CSMD1: variants seen among roughly 807,000 people sequenced by gnomAD.
The protein encoded by CSMD1 is CUB and Sushi multiple domains 1.
Under a neutral mutation model 417.5 loss-of-function variants are expected in CSMD1, and 213 were observed. The observed-to-expected ratio is 0.51, with a 90% CI of 0.46 to 0.57. The LOEUF is 0.57. Among genes scored for constraint, CSMD1 ranks in the 20% least tolerant of loss-of-function variants. The pLI, the probability that CSMD1 is intolerant of heterozygous loss-of-function variation, is 0.00. For missense variants in CSMD1, 6,923 were observed against 4,529.7 expected (o/e 1.53, Z -15.17); for synonymous variants, 2,862 against 1,736.8 (o/e 1.65, Z -16.11).
At position 4,505,178 on chromosome 8, in the gene CSMD1, C is replaced by T. The variant is rs183585988; in HGVS notation, c.303-85113G>A. Among the ~76,000 whole-genome samples, 364 of 152,298 alleles carry T rather than the reference C, an allele frequency of 2.4e-3. 1 individual carries two copies. Among genetic ancestry groups the T allele is most frequent in the Admixed American group, 6.9e-3 (105 of 15,298 alleles). ...ATAAAAACCTGGTGGCTTTAGCTTG[C>T]ATTGTTTCCTCTAGATTTAAATAAT... On this transcript the variant is annotated intron_variant, in intron 2 of 69. Transcript: ENST00000635120.
intron 1 of CSMD1, among the ~76,000 whole-genome samples, chr8:4,930,496 G>A (rs997596803): frequency 6.6e-6 from 1 of 152,082 alleles, no homozygotes; most frequent in African/African-American, 2.4e-5. Context: ...GCTGAAAATT[G>A]TTCAAAACTA....
chr8:4,473,446 A>G (rs1168722764), intron 2 of CSMD1, among the ~76,000 whole-genome samples: 1 of 152,214 alleles, frequency 6.6e-6, no homozygotes, highest in Non-Finnish European at 1.5e-5. Flanking sequence ...ATTTTGTTTC[A>G]TAAGCAAGGA....
At chr8:3,916,056 T>G (rs1043471313) in intron 5 of CSMD1, among the ~76,000 whole-genome samples, 2 of 151,738 alleles carry the variant, frequency 1.3e-5, no homozygotes, top group African/African-American at 4.8e-5. Context: ...ACATAATACT[T>G]TGCTTTTCAA....
intron 1 of CSMD1, among the ~76,000 whole-genome samples, chr8:4,924,843 G>C (rs1309619457): frequency 6.6e-6 from 1 of 151,122 alleles, no homozygotes. Context: ...ATTACAGTTC[G>C]GGAAGAAAAT....
intron 3 of CSMD1, among the ~76,000 whole-genome samples, chr8:4,343,731 G>T (rs969366770): frequency 6.6e-6 from 1 of 151,970 alleles, no homozygotes; most frequent in South Asian, 2.1e-4. Flanking sequence ...AGGTCCATAA[G>T]GAAATATCAT....
chr8:4,086,808 G>C (rs574968179), intron 3 of CSMD1, among the ~76,000 whole-genome samples: 7 of 152,240 alleles, frequency 4.6e-5, no homozygotes, highest in Admixed American at 1.3e-4. Flanking sequence ...AAATTTCTTA[G>C]TCTGAGATGA....
Position 2,985,090 on chromosome 8 carries a change from G to A in CSMD1, c.8378-6290C>T, listed in dbSNP as rs191726359. On this transcript the variant is annotated intron_variant, in intron 54 of 69. Transcript: ENST00000635120. ...TTAAGACCATCATTGGCCTCAAAGCGACTCAAAATCAATATACGTCCCAAT... is the reference window on the plus strand; with the variant it reads ...TTAAGACCATCATTGGCCTCAAAGCAACTCAAAATCAATATACGTCCCAAT... 1.9e-3 allele frequency among the ~76,000 whole-genome samples: 289 copies of A among 152,186 alleles called. 1 individual carries two copies. Among genetic ancestry groups the A allele is most frequent in the Middle Eastern group, 0.01 (3 of 292 alleles).
chr8:4,120,660 C>T (rs536191621), intron 3 of CSMD1, among the ~76,000 whole-genome samples: 1 of 152,356 alleles, frequency 6.6e-6, no homozygotes, highest in African/African-American at 2.4e-5. Flanking sequence ...GTAACTTCAT[C>T]ACGTGACTTT....
chr8:3,837,510 G>A (rs949093561), intron 5 of CSMD1, among the ~76,000 whole-genome samples: 6 of 152,058 alleles, frequency 3.9e-5, no homozygotes, highest in Admixed American at 1.3e-4. Flanking sequence ...GAGATCCTGA[G>A]GATGCAGAGA....
chr8:4,124,884 C>T (rs150701323), intron 3 of CSMD1, among the ~76,000 whole-genome samples: 1 of 152,048 alleles, frequency 6.6e-6, no homozygotes, highest in Non-Finnish European at 1.5e-5. Flanking sequence ...AAAGGAAAAG[C>T]GGAGGGGTTA....
intron 3 of CSMD1, among the ~76,000 whole-genome samples, chr8:4,069,726 G>T (rs1435904679): frequency 1.3e-5 from 2 of 151,986 alleles, no homozygotes; most frequent in Admixed American, 6.6e-5. Context: ...TAAACTCTAG[G>T]CACCTTGAGT....
chr8:4,482,678 T>A (rs944206050), intron 2 of CSMD1, among the ~76,000 whole-genome samples: 4 of 152,200 alleles, frequency 2.6e-5, no homozygotes, highest in Non-Finnish European at 5.9e-5. Flanking sequence ...CACACTGTCT[T>A]CCACAATGGC....
At chr8:3,488,849 A>G (rs763245980) in intron 11 of CSMD1, among the ~76,000 whole-genome samples, 3 of 152,190 alleles carry the variant, frequency 2.0e-5, no homozygotes, top group Non-Finnish European at 4.4e-5. Flanking sequence ...CAGAAAAATA[A>G]TTGGGATCAT....
At chr8:3,881,124 C>G (rs940568488) in intron 5 of CSMD1, among the ~76,000 whole-genome samples, 5 of 152,012 alleles carry the variant, frequency 3.3e-5, no homozygotes, top group Admixed American at 6.6e-5. Context: ...TTAAGAAGAT[C>G]TAAAAAATGC....
chr8:4,210,047 C>T (rs1800215789), intron 3 of CSMD1, among the ~76,000 whole-genome samples: 1 of 152,108 alleles, frequency 6.6e-6, no homozygotes, highest in African/African-American at 2.4e-5. Context: ...GTGTCTAAGC[C>T]CTGCTTCCTG....
At chr8:3,688,475 C>G (rs932590020) in intron 7 of CSMD1, among the ~76,000 whole-genome samples, 1 of 152,084 alleles carries the variant, frequency 6.6e-6, no homozygotes, top group Admixed American at 6.6e-5. Context: ...GTCTCTGTTC[C>G]CTAATGTCAA....
At chr8:3,885,332 C>T (rs1806487991) in intron 5 of CSMD1, among the ~76,000 whole-genome samples, 1 of 152,074 alleles carries the variant, frequency 6.6e-6, no homozygotes, top group Admixed American at 6.6e-5. Flanking sequence ...TATTGGCACA[C>T]TTAGTGACAT....
chr8:3,932,468 T>C (rs539989096), intron 5 of CSMD1, among the ~76,000 whole-genome samples: 1 of 150,584 alleles, frequency 6.6e-6, no homozygotes, highest in East Asian at 2.0e-4. Flanking sequence ...TAATAAGACC[T>C]TGATATGTAG....
chr8:3,986,072 C>G lies in CSMD1; in HGVS notation c.818+11831G>C, dbSNP rs62501243. On this transcript the variant is annotated intron_variant, in intron 5 of 69. Coordinates refer to ENST00000635120, the MANE Select transcript of CSMD1 (RefSeq NM_033225.6). ...CCTCTTCATTATATGAAGACCCCAT[C>G]CAAAAATCAAGGATCTCGTTCGTAT... Among the ~76,000 whole-genome samples, 5 of 152,126 alleles carry G rather than the reference C, an allele frequency of 3.3e-5. No individual in the cohort carries two copies. In the East Asian group the frequency reaches 9.7e-4, roughly 29 times the overall value.
Sources: allele counts gnomAD v4.1 joint callset (sites outside exome capture counted in the v4.1 genomes callset), GRCh38; gene constraint gnomAD v4.1.1; transcripts MANE v1.5; gene names NCBI Gene and HGNC (gene_info 2026-07-23, HGNC 2026-07-21).